The following MTAP variants were observed in gnomAD, a reference collection of about 807,000 sequenced individuals.
MTAP encodes the protein S-methyl-5'-thioadenosine phosphorylase.
A neutral mutation model predicts 33.6 loss-of-function variants in MTAP; 33 were observed. The observed-to-expected ratio is 0.98, with a 90% CI of 0.74 to 1.31. The LOEUF (loss-of-function observed/expected upper bound fraction) is 1.31. MTAP is among the 40% of genes most tolerant of loss of function. The pLI, the probability that MTAP is intolerant of heterozygous loss-of-function variation, is 0.00. For synonymous variants in MTAP, 148 were observed against 125.7 expected (o/e 1.18, Z -1.19); for missense variants, 367 against 360.0 (o/e 1.02, Z -0.16).
chr9:21,812,246 C>A, intron 1 of MTAP: 1 of 228,476 alleles, frequency 4.4e-6, no homozygotes, highest in South Asian at 7.7e-5. Flanking sequence ...AGATGGTGAC[C>A]CCACTCATGG....
intron 4 of MTAP, among the ~76,000 whole-genome samples, chr9:21,819,672 G>A (rs1400881020): frequency 6.6e-6 from 1 of 152,106 alleles, no homozygotes; most frequent in South Asian, 2.1e-4. Context: ...GGGATGGCTG[G>A]GTCAAATGGT....
At chr9:21,853,957 A>C (rs1825574909) in intron 5 of MTAP, among the ~76,000 whole-genome samples, 2 of 152,224 alleles carry the variant, frequency 1.3e-5, no homozygotes, top group African/African-American at 4.8e-5. Flanking sequence ...GTGCAGTATT[A>C]AATAAAACAC....
rs1361390069 is a variant in MTAP, at chr9:21,875,237, CT to C, written c.147+20369del. 2.6e-5 allele frequency among the ~76,000 whole-genome samples: 4 copies of C among 152,006 alleles called. No individual in the cohort carries two copies. In the East Asian group the frequency reaches 7.8e-4, roughly 29 times the overall value. ...CAAATGGTATTTCTAGTTCTAGATC[CT>C]TGAGGAATCACCACACTGTATTGTT... On this transcript the variant is annotated intron_variant, in intron 1 of 1. Coordinates refer to the MTAP transcript ENST00000577563.
At chr9:21,916,445 A>T (rs1413586298) in intron 1 of MTAP, among the ~76,000 whole-genome samples, 1 of 152,004 alleles carries the variant, frequency 6.6e-6, no homozygotes, top group African/African-American at 2.4e-5. Flanking sequence ...CCCCATCTCT[A>T]CTAGAAATAC....
downstream of MTAP, among the ~76,000 whole-genome samples, chr9:21,870,632 T>A (rs1251133197): frequency 1.3e-5 from 2 of 151,870 alleles, no homozygotes; most frequent in Non-Finnish European, 2.9e-5. Context: ...AAATTATTTA[T>A]AATATATTTT....
At chr9:21,939,705 A>AAATAATAATAAT (rs61336285), downstream of MTAP, among the ~76,000 whole-genome samples, 19 of 150,676 alleles carry the variant, frequency 1.3e-4, no homozygotes, top group African/African-American at 4.4e-4. Flanking sequence ...CTCTATGAAA[A>AAATAATAATAAT]AATAATAATA....
chr9:21,913,653 T>C (rs994402932), intron 1 of MTAP, among the ~76,000 whole-genome samples: 27 of 152,216 alleles, frequency 1.8e-4, no homozygotes, highest in African/African-American at 5.8e-4. Flanking sequence ...ATTTAAATGT[T>C]AGACCTAAAA....
At chr9:21,821,563 C>T (rs531493684) in intron 4 of MTAP, among the ~76,000 whole-genome samples, 5 of 152,338 alleles carry the variant, frequency 3.3e-5, no homozygotes, top group South Asian at 4.1e-4. Flanking sequence ...CGATGTTCAT[C>T]AGGGATATTG....
chr9:21,914,996 T>TTCC (rs1225772665), intron 1 of MTAP, among the ~76,000 whole-genome samples: 1 of 119,966 alleles, frequency 8.3e-6, no homozygotes, highest in African/African-American at 4.1e-5. Flanking sequence ...AATACTTTGT[T>TTCC]TTCTTTCCTT....
At chr9:21,816,933 A>C (rs1326599434) in intron 3 of MTAP, among the ~76,000 whole-genome samples, 161 bp downstream of exon 3, 1 of 152,228 alleles carries the variant, frequency 6.6e-6, no homozygotes, top group Non-Finnish European at 1.5e-5. Context: ...TGGTTAAGTT[A>C]TATTGACTTA....
chr9:21,828,484 G>C (rs1445660556), intron 4 of MTAP, among the ~76,000 whole-genome samples: 1 of 152,048 alleles, frequency 6.6e-6, no homozygotes, highest in African/African-American at 2.4e-5. Flanking sequence ...GACCAGCCTG[G>C]TCAACATGGT....
intron 1 of MTAP, among the ~76,000 whole-genome samples, chr9:21,918,281 C>T (rs965867650): frequency 9.1e-6 from 1 of 109,528 alleles, no homozygotes; most frequent in East Asian, 2.8e-4. Context: ...ACCCGGGAGG[C>T]GGAGCTTGCA....
chr9:21,819,016 T>C (rs1242218383), intron 4 of MTAP, among the ~76,000 whole-genome samples: 2 of 152,218 alleles, frequency 1.3e-5, no homozygotes, highest in Non-Finnish European at 2.9e-5. Flanking sequence ...TATTTGTCTT[T>C]CCATGGCTGG....
At chr9:21,831,342 T>G (rs1051410463) in intron 4 of MTAP, among the ~76,000 whole-genome samples, 6 of 152,164 alleles carry the variant, frequency 3.9e-5, no homozygotes, top group Non-Finnish European at 7.3e-5. Context: ...ATTGTATTTT[T>G]TTGTTGTTTT....
At chr9:21,929,583 C>A in intron 1 of MTAP, 1 of 367,396 alleles carries the variant, frequency 2.7e-6, no homozygotes. Context: ...CCACCAAATG[C>A]TGGTTATGTA....
downstream of MTAP, chr9:21,935,501 A>G (rs971805906): frequency 6.6e-6 from 1 of 151,948 alleles, no homozygotes; most frequent in Non-Finnish European, 1.5e-5. Context: ...TTAACCATAA[A>G]TTCCAGGAGC....
At chr9:21,821,886 A>C (rs527309579) in intron 4 of MTAP, among the ~76,000 whole-genome samples, 95 of 152,242 alleles carry the variant, frequency 6.2e-4, no homozygotes, top group African/African-American at 2.2e-3. Context: ...GAATTTATCC[A>C]TTTCTTCTAG....
chr9:21,920,933 G>T (rs535898879), intron 1 of MTAP, among the ~76,000 whole-genome samples: 7 of 152,160 alleles, frequency 4.6e-5, no homozygotes, highest in Non-Finnish European at 1.0e-4. Context: ...CTTGTAGAAA[G>T]AGTTTGGAAG....
chr9:21,855,017 G>A lies in MTAP; in HGVS notation c.690+147G>A, dbSNP rs115034595. On this transcript the variant is annotated intron_variant, in intron 6 of 7. Coordinates refer to ENST00000644715, the MANE Select transcript of MTAP (RefSeq NM_002451.4). ...GTTAATATTTTCTGTAGTTCCATTG[G>A]AAGGTAAGAACAAAGATCAAAGGAA... The A allele has an allele frequency of 1.9e-3, 2,164 of 1,122,040 alleles. 33 individuals carry two copies. The African/African-American group carries it at 0.029, about 15-fold the overall frequency. The allele number at this position is 1,122,040 out of a possible 1,614,324, so 69.5% of individuals were successfully genotyped here. A position where few individuals can be genotyped will look rare whatever the true frequency, so the allele number is the denominator to read the frequency against.
Sources: gnomAD v4.1 joint callset for allele counts (sites outside exome capture counted in the v4.1 genomes callset) on GRCh38, gnomAD v4.1.1 for gene constraint, MANE v1.5 for transcripts, NCBI Gene and HGNC (gene_info 2026-07-23, HGNC 2026-07-21) for gene names.